CALN1: variants seen among roughly 807,000 people sequenced by gnomAD.
CALN1 encodes the protein calneuron 1.
CALN1 carries 17 observed loss-of-function variants against 30.6 expected under a neutral mutation model. The ratio of observed to expected loss-of-function variants is 0.56; its 90% confidence interval spans 0.38 to 0.83. CALN1 has a LOEUF of 0.83. Among genes scored for constraint, CALN1 ranks in the 40% least tolerant of loss-of-function variants. CALN1 has a pLI of 0.00. For missense variants in CALN1, 291 were observed against 354.9 expected, an observed-to-expected ratio of 0.82 and a Z score of 1.45; for synonymous variants, 156 against 131.4, an observed-to-expected ratio of 1.19 and a Z score of -1.28.
chr7:72,424,753 C>A (rs1306281215), intron 1 of CALN1, among the ~76,000 whole-genome samples: 1 of 152,126 alleles, frequency 6.6e-6, no homozygotes, highest in East Asian at 1.9e-4. Context: ...CATGCCACCA[C>A]TCCCATATAA....
chr7:72,247,532 G>A (rs1418223144), intron 3 of CALN1, among the ~76,000 whole-genome samples: 4 of 151,962 alleles, frequency 2.6e-5, no homozygotes, highest in Admixed American at 6.6e-5. Context: ...TGGGATTACA[G>A]GCATGAGCCA....
At chr7:71,985,209 A>C (rs1281045510) in intron 5 of CALN1, among the ~76,000 whole-genome samples, 2 of 152,312 alleles carry the variant, frequency 1.3e-5, no homozygotes, top group East Asian at 3.9e-4. Context: ...CTGAAGTGAA[A>C]AGCAGAGCAA....
At chr7:72,062,075 C>T (rs1428583601) in intron 4 of CALN1, among the ~76,000 whole-genome samples, 1 of 152,140 alleles carries the variant, frequency 6.6e-6, no homozygotes, top group Non-Finnish European at 1.5e-5. Flanking sequence ...AAAAAACTGT[C>T]AACCCAGAAT....
intron 2 of CALN1, chr7:72,337,357 C>T: frequency 1.1e-6 from 1 of 936,226 alleles, no homozygotes; most frequent in Non-Finnish European, 1.3e-6. Context: ...TCTCCAATGG[C>T]TCCCTCGGTT....
intron 2 of CALN1, among the ~76,000 whole-genome samples, chr7:72,379,467 G>C (rs537094943): frequency 5.9e-5 from 9 of 152,316 alleles, no homozygotes; most frequent in Non-Finnish European, 1.2e-4. Context: ...TAATACAACA[G>C]ATATACCAGA....
the CALN1 span, among the ~76,000 whole-genome samples, chr7:72,487,929 G>A: frequency 1.3e-4 from 9 of 71,536 alleles, no homozygotes; most frequent in African/African-American, 5.0e-4. Context: ...AAGGAAGGAA[G>A]GAAGGAAGGA....
At chr7:72,406,295 G>C (rs924180843) in intron 1 of CALN1, among the ~76,000 whole-genome samples, 1 of 152,144 alleles carries the variant, frequency 6.6e-6, no homozygotes, top group Non-Finnish European at 1.5e-5. Flanking sequence ...ACATAAGACA[G>C]ACCTCCATCT....
chr7:72,319,735 C>T (rs1455072865), intron 2 of CALN1, among the ~76,000 whole-genome samples: 1 of 152,070 alleles, frequency 6.6e-6, no homozygotes, highest in Admixed American at 6.5e-5. Flanking sequence ...AGAGGTAAAT[C>T]TGTGGTGAGG....
intron 5 of CALN1, among the ~76,000 whole-genome samples, chr7:71,992,548 G>GGGTCTTCCTATGTTGC (rs1186907378): frequency 6.6e-6 from 1 of 152,048 alleles, no homozygotes; most frequent in Non-Finnish European, 1.5e-5. Flanking sequence ...TGCAGAGATG[G>GGGTCTTCCTATGTTGC]GGTCTTCCTA....
chr7:72,447,375 G>A (rs970084596), upstream of CALN1, among the ~76,000 whole-genome samples: 2 of 152,096 alleles, frequency 1.3e-5, no homozygotes, highest in Non-Finnish European at 2.9e-5. Context: ...AGAAACACCG[G>A]AGTCTCTCGG....
At position 72,336,367 on chromosome 7, in the gene CALN1, G is replaced by A. The variant is rs563266487; in HGVS notation, c.120-57557C>T. Among the ~76,000 whole-genome samples the A allele has an allele frequency of 3.8e-3, 576 of 152,260 alleles. 5 individuals carry two copies. Among genetic ancestry groups the A allele is most frequent in the Non-Finnish European group, 4.2e-3 (287 of 68,010 alleles). On this transcript the variant is annotated intron_variant, in intron 2 of 6. Transcript: ENST00000395275. The stretch of plus-strand genomic sequence containing the variant: ...CAGCCTGGTGGCCACTGGCGCCTGG[G>A]GGCTAGAAGAGCGGCTCCCAGCCTC...
At chr7:71,934,940 C>T (rs542589859) in intron 5 of CALN1, among the ~76,000 whole-genome samples, 3 of 151,974 alleles carry the variant, frequency 2.0e-5, no homozygotes, top group Non-Finnish European at 4.4e-5. Flanking sequence ...TTCACTAATA[C>T]GAGAACAGCA....
chr7:72,485,497 GA>G, the CALN1 span, among the ~76,000 whole-genome samples: 2 of 152,182 alleles, frequency 1.3e-5, no homozygotes, highest in Non-Finnish European at 2.9e-5. Flanking sequence ...TAAGGAATTG[GA>G]TGAAGAAAGT....
intron 3 of CALN1, among the ~76,000 whole-genome samples, chr7:72,148,430 G>GAAAAAAGA (rs1415232649): frequency 8.7e-6 from 1 of 114,878 alleles, no homozygotes; most frequent in African/African-American, 2.7e-5. Context: ...AGAAAAAAAA[G>GAAAAAAGA]AAAAAAGAAA....
intron 5 of CALN1, among the ~76,000 whole-genome samples, chr7:71,818,828 G>GC (rs1369528817): frequency 6.6e-6 from 1 of 151,778 alleles, no homozygotes; most frequent in Non-Finnish European, 1.5e-5. Context: ...TCCTGCCTCA[G>GC]CCTCCCGAGT....
chr7:72,429,627 T>G (rs1188528493), intron 1 of CALN1, among the ~76,000 whole-genome samples: 1 of 151,640 alleles, frequency 6.6e-6, no homozygotes, highest in Non-Finnish European at 1.5e-5. Context: ...ATGTCATCAT[T>G]TAAAAGAAAC....
chr7:72,006,884 G>A (rs984989781), intron 5 of CALN1, among the ~76,000 whole-genome samples: 1 of 151,532 alleles, frequency 6.6e-6, no homozygotes, highest in Non-Finnish European at 1.5e-5. Context: ...CTTCATAACT[G>A]GGTCCCCATT....
At chr7:72,167,569 T>G (rs1020001654) in intron 3 of CALN1, among the ~76,000 whole-genome samples, 8 of 152,192 alleles carry the variant, frequency 5.3e-5, no homozygotes, top group African/African-American at 1.9e-4. Flanking sequence ...GGTCTTGAGC[T>G]CCTGACCTCA....
chr7:72,333,263 G>A (rs767794267), intron 2 of CALN1, among the ~76,000 whole-genome samples: 2 of 152,140 alleles, frequency 1.3e-5, no homozygotes, highest in Non-Finnish European at 2.9e-5. Flanking sequence ...CACATGGTCT[G>A]GCCTCCCCAC....
Sources: gnomAD v4.1 joint callset for allele counts (sites outside exome capture counted in the v4.1 genomes callset) on GRCh38, gnomAD v4.1.1 for gene constraint, MANE v1.5 for transcripts, NCBI Gene and HGNC (gene_info 2026-07-23, HGNC 2026-07-21) for gene names.